PCDHGB6: variants seen among roughly 807,000 people sequenced by gnomAD.
PCDHGB6 encodes protocadherin gamma-B6.
PCDHGB6 carries 51 observed loss-of-function variants against 59.1 expected under a neutral mutation model. The observed-to-expected ratio is 0.86, with a 90% CI of 0.69 to 1.09. The LOEUF is 1.09. Ranked by LOEUF, PCDHGB6 falls within the 50% of genes least tolerant of loss-of-function variation. PCDHGB6 has a pLI of 0.00. For synonymous variants in PCDHGB6, 466 were observed against 495.1 expected (o/e 0.94, Z 0.78); for missense variants, 1,148 against 1,205.1 (o/e 0.95, Z 0.70).
chr5:141,504,242 GTTC>G (rs903218038), intron 2 of PCDHGB6, among the ~76,000 whole-genome samples: 25 of 152,170 alleles, frequency 1.6e-4, no homozygotes, highest in African/African-American at 5.1e-4. Context: ...GAAGCAGAGA[GTTC>G]TTCTTATGGT....
At position 141,410,252 on chromosome 5, in the gene PCDHGB6, C is replaced by T. The variant is rs3749768; in HGVS notation, c.2050C>T (p.Pro684Ser). The T allele has an allele frequency of 0.048, 77,060 of 1,613,996 alleles. 2,017 individuals are homozygous for T. The highest frequency in any genetic ancestry group is 0.077 in the South Asian group (6,999 of 91,080). The change falls in exon 1 of 4, where the codon CCC becomes TCC. Residue 684 changes from proline (P) to serine (S), a missense_variant. Transcript: ENST00000520790. ...DLSDRPVLSD[P>S]QAELQFYLVV... is the part of the protein sequence containing the mutation. ...CAGCGACCGCCCTGTACTCTCTGAC[C>T]CCCAGGCTGAACTGCAGTTTTACCT... is the stretch of plus-strand genomic sequence containing the variant.
chr5:141,451,237 A>G (rs1405567593), intron 1 of PCDHGB6, among the ~76,000 whole-genome samples: 1 of 152,198 alleles, frequency 6.6e-6, no homozygotes, highest in Non-Finnish European at 1.5e-5. Context: ...TTATTATCTC[A>G]TAAATTTTGT....
chr5:141,422,062 A>C, intron 1 of PCDHGB6: 4 of 1,612,140 alleles, frequency 2.5e-6, no homozygotes, highest in Non-Finnish European at 3.4e-6. Context: ...CGGGGAAGTA[A>C]TGTATTCATT....
At chr5:141,506,669 A>C (rs1293213848) in intron 3 of PCDHGB6, among the ~76,000 whole-genome samples, 1 of 152,198 alleles carries the variant, frequency 6.6e-6, no homozygotes, top group African/African-American at 2.4e-5. Flanking sequence ...GTAAGGGCAC[A>C]ATATATTATT....
chr5:141,421,243 C>T (rs201273667), intron 1 of PCDHGB6: 12 of 1,601,540 alleles, frequency 7.5e-6, no homozygotes, highest in Non-Finnish European at 1.0e-5. Flanking sequence ...GAATCGGCTA[C>T]AGCGCGGGGA....
intron 2 of PCDHGB6, among the ~76,000 whole-genome samples, chr5:141,502,905 A>T (rs1364939091): frequency 1.5e-5 from 2 of 131,814 alleles, no homozygotes; most frequent in Non-Finnish European, 3.0e-5. Flanking sequence ...CTCTGTTGCC[A>T]GGCTGGAGTG....
chr5:141,451,809 A>C (rs1316571749), intron 1 of PCDHGB6, among the ~76,000 whole-genome samples: 1 of 150,308 alleles, frequency 6.7e-6, no homozygotes, highest in Non-Finnish European at 1.5e-5. Flanking sequence ...TGAACCCAGG[A>C]GGCGGAGGTT....
At chr5:141,452,881 T>A (rs1273440996) in intron 1 of PCDHGB6, among the ~76,000 whole-genome samples, 1 of 152,166 alleles carries the variant, frequency 6.6e-6, no homozygotes, top group African/African-American at 2.4e-5. Context: ...TTTGTAATAA[T>A]TTATTCCACT....
At chr5:141,441,404 C>T (rs1231257776) in intron 1 of PCDHGB6, 1 of 155,262 alleles carries the variant, frequency 6.4e-6, no homozygotes, top group Admixed American at 6.5e-5. Context: ...ATCAGCATCA[C>T]TGCCACTGAC....
chr5:141,410,849 CTTTTTTTTT>C (rs759346998), intron 1 of PCDHGB6: 2 of 136,714 alleles, frequency 1.5e-5, no homozygotes, highest in African/African-American at 6.3e-5. Context: ...TTGTCTTTGT[CTTTTTTTTT>C]TTTTTTTTTT....
Position 141,491,422 on chromosome 5 carries a change from G to A in PCDHGB6, c.2419-3385G>A. 1 of 1,614,112 alleles carries A rather than the reference G, an allele frequency of 6.2e-7. No individual in the cohort carries two copies. Among genetic ancestry groups the A allele is most frequent in the East Asian group, 2.2e-5 (1 of 44,874 alleles). On this transcript the variant is annotated intron_variant, in intron 1 of 3. Coordinates refer to ENST00000520790, the MANE Select transcript of PCDHGB6 (RefSeq NM_018926.3). The surrounding 1 kb of genome is among the most constrained non-coding windows in gnomAD (Gnocchi z 6.9). The stretch of plus-strand genomic sequence containing the variant: ...AAACGCAGACGGGGACGGGGGTGGA[G>A]GGCAGTGCTGCAGGCGCCAGGACTC...
chr5:141,468,458 G>A (rs1047447240), intron 1 of PCDHGB6: 3 of 152,134 alleles, frequency 2.0e-5, no homozygotes, highest in African/African-American at 7.2e-5. Flanking sequence ...ATTAAAGCAA[G>A]TTATTTCTGA....
intron 1 of PCDHGB6, among the ~76,000 whole-genome samples, chr5:141,456,363 G>A (rs1233146015): frequency 6.6e-6 from 1 of 152,098 alleles, no homozygotes; most frequent in African/African-American, 2.4e-5. Flanking sequence ...GTCCATGTGT[G>A]GTTCAGTTTA....
At chr5:141,474,557 G>T (rs1261720500) in intron 1 of PCDHGB6, among the ~76,000 whole-genome samples, 2 of 152,184 alleles carry the variant, frequency 1.3e-5, no homozygotes, top group Admixed American at 1.3e-4. Context: ...AAAACTGGGG[G>T]TTTTCAGAGA....
At position 141,491,121 on chromosome 5, in the gene PCDHGB6, G is replaced by T. The variant is rs1176877834; in HGVS notation, c.2419-3686G>T. On this transcript the variant is annotated intron_variant, in intron 1 of 3. Transcript: ENST00000520790. The surrounding 1 kb of genome is among the most constrained non-coding windows in gnomAD (Gnocchi z 6.9). ...TCCTCGTGTCTACACACACTGGTGA[G>T]GTGCGCACAGCCCGGGCCTTACTGG... 5 of 1,614,200 alleles carry T rather than the reference G, an allele frequency of 3.1e-6. No individual in the cohort carries two copies. In the South Asian group the frequency reaches 5.5e-5, roughly 18 times the overall value.
intron 1 of PCDHGB6, among the ~76,000 whole-genome samples, chr5:141,473,380 G>A (rs1363453338): frequency 6.6e-6 from 1 of 152,204 alleles, no homozygotes; most frequent in African/African-American, 2.4e-5. Context: ...CATGGTCCCT[G>A]CCCTCCTGGA....
At chr5:141,458,891 G>A (rs775720263) in intron 1 of PCDHGB6, among the ~76,000 whole-genome samples, 10 of 151,976 alleles carry the variant, frequency 6.6e-5, no homozygotes, top group South Asian at 2.1e-4. Context: ...CACACCATGC[G>A]CAGCTAATTT....
intron 1 of PCDHGB6, among the ~76,000 whole-genome samples, chr5:141,470,717 A>G (rs1353989037): frequency 6.6e-6 from 1 of 152,010 alleles, no homozygotes; most frequent in Non-Finnish European, 1.5e-5. Flanking sequence ...TATTTTTTTG[A>G]GTCAGGGTCT....
chr5:141,501,290 TAC>T (rs55762287), intron 2 of PCDHGB6, among the ~76,000 whole-genome samples: 11,544 of 136,022 alleles, frequency 0.085, 708 homozygotes, highest in East Asian at 0.37. Context: ...TATTCCCTTA[TAC>T]ACACACACAC....
Sources: gnomAD v4.1 joint callset for allele counts (sites outside exome capture counted in the v4.1 genomes callset) on GRCh38, gnomAD v4.1.1 for gene constraint, Gnocchi (gnomAD v3.1) non-coding constraint, MANE v1.5 for transcripts, NCBI Gene and HGNC (gene_info 2026-07-23, HGNC 2026-07-21) for gene names.